The following UFL1 variants were observed in gnomAD, a reference collection of about 807,000 sequenced individuals.
UFL1 encodes UFM1 specific ligase 1.
Under a neutral mutation model 99.3 loss-of-function variants are expected in UFL1, and 78 were observed. The ratio of observed to expected loss-of-function variants is 0.79; its 90% CI spans 0.65 to 0.95. UFL1 has a LOEUF of 0.95. Ranked by LOEUF, UFL1 falls within the 40% of genes least tolerant of loss-of-function variation. UFL1 has a pLI of 0.00. For missense variants in UFL1, 936 were observed against 937.0 expected, an observed-to-expected ratio of 1.00 and a Z score of 0.01; for synonymous variants, 335 against 322.2, an observed-to-expected ratio of 1.04 and a Z score of -0.42.
rs1769862408 is a variant in UFL1 at position 96,536,968 on chromosome 6, AT to A, written c.803-404del. On this transcript the variant is annotated intron_variant, in intron 8 of 18. Transcript: ENST00000369278. ...TGGACTGAATTTAGTTATTAAAACA[AT>A]TAGCATATATATATATAAGATATAT... Among the ~76,000 whole-genome samples, 3 of 149,102 alleles carry A rather than the reference AT, an allele frequency of 2.0e-5. No individual in the cohort carries two copies. The South Asian group carries it at 6.4e-4, about 32-fold the overall frequency.
chr6:96,549,041 A>T (rs1053262538), intron 13 of UFL1, among the ~76,000 whole-genome samples: 7 of 151,824 alleles, frequency 4.6e-5, no homozygotes, highest in East Asian at 1.9e-4. Flanking sequence ...AGGTTTTTTT[A>T]AATGTATTTT....
intron 4 of UFL1, among the ~76,000 whole-genome samples, chr6:96,525,979 A>G (rs1245464196): frequency 4.6e-5 from 7 of 151,982 alleles, no homozygotes; most frequent in Admixed American, 1.3e-4. Flanking sequence ...CCAGCTACTC[A>G]GGAGGCTGAG....
At chr6:96,551,803 A>G (rs762401518) in intron 16 of UFL1, 35 bp from the exon 17 acceptor site, 11 of 1,389,756 alleles carry the variant, frequency 7.9e-6, no homozygotes, top group Middle Eastern at 1.9e-4. Flanking sequence ...GCAGTTATAT[A>G]TAAAAGTAAA....
intron 9 of UFL1, among the ~76,000 whole-genome samples, chr6:96,538,183 A>G (rs1234035957): frequency 1.3e-5 from 2 of 151,662 alleles, no homozygotes; most frequent in African/African-American, 4.8e-5. Flanking sequence ...CTTGTTGGGG[A>G]TATGGTAGCC....
Position 96,536,174 on chromosome 6 carries a change from ATAAAG to A in UFL1, c.656-67_656-63del. 2.2e-6 allele frequency: 3 copies of A among 1,386,908 alleles called. No homozygotes were observed. In the South Asian group the frequency reaches 5.0e-5, roughly 23 times the overall value. The allele number at this position is 1,386,908 out of a possible 1,614,324, so 85.9% of individuals were successfully genotyped here. On this transcript the variant is annotated intron_variant, in intron 7 of 18. Transcript: ENST00000369278. The stretch of plus-strand genomic sequence containing the variant: ...TTAAGAATAAGTAAATTATGAAATA[ATAAAG>A]TATTTTACTTTTTAAGATTTATACC...
intron 8 of UFL1, 75 bp from the exon 9 acceptor site, chr6:96,537,299 T>G: frequency 7.4e-7 from 1 of 1,358,436 alleles, no homozygotes; most frequent in Non-Finnish European, 9.8e-7. Flanking sequence ...TGGCTATAAC[T>G]TTTAAGTCTT....
chr6:96,548,144 A>G lies in UFL1; in HGVS notation c.1403-20A>G, dbSNP rs1770026310. The stretch of plus-strand genomic sequence containing the variant: ...TTTTTTATTTATTTATTTATTTGCC[A>G]TTGCTCATGTCCGATATAGGAAAGA... On this transcript the variant is annotated intron_variant, in intron 12 of 18. Coordinates refer to ENST00000369278, the MANE Select transcript of UFL1 (RefSeq NM_015323.5). 6.7e-7 allele frequency: 1 copy of G among 1,481,774 alleles called. No individual in the cohort carries two copies. The highest frequency in any genetic ancestry group is 9.2e-7 in the Non-Finnish European group (1 of 1,086,038). The allele number at this position is 1,481,774 out of a possible 1,614,324, so 91.8% of individuals were successfully genotyped here.
intron 12 of UFL1, among the ~76,000 whole-genome samples, chr6:96,544,243 T>A (rs369491489): frequency 6.0e-5 from 9 of 151,182 alleles, no homozygotes; most frequent in African/African-American, 2.2e-4. Context: ...TATGCATCTT[T>A]CTTTTCCTAG....
At chr6:96,527,123 CTT>C (rs1364028635) in intron 5 of UFL1, among the ~76,000 whole-genome samples, 3 of 151,884 alleles carry the variant, frequency 2.0e-5, no homozygotes, top group Non-Finnish European at 4.4e-5. Context: ...TTCTTGTTTA[CTT>C]TTTTCTGTTT....
At chr6:96,537,144 G>A (rs1252671190) in intron 8 of UFL1, among the ~76,000 whole-genome samples, 3 of 151,444 alleles carry the variant, frequency 2.0e-5, no homozygotes, top group East Asian at 3.9e-4. Context: ...TTTTCCTTAC[G>A]TTTTCTTGAC....
chr6:96,529,096 A>T (rs918718455), intron 6 of UFL1, among the ~76,000 whole-genome samples: 34 of 152,340 alleles, frequency 2.2e-4, no homozygotes, highest in African/African-American at 8.2e-4. Flanking sequence ...ACTTTCTAGC[A>T]TTCTGTAATT....
Position 96,554,743 on chromosome 6 carries a change from A to G in UFL1, c.*1240A>G, listed in dbSNP as rs1337359841. On this transcript the variant is annotated 3_prime_UTR_variant, in exon 19 of 19. Transcript: ENST00000369278. The stretch of plus-strand genomic sequence containing the variant: ...TATTAATCCTTAGTGAAAGTAATTA[A>G]TTAAATTGCCAACTTGGCATTATTA... The G allele has an allele frequency of 6.6e-6, 1 of 152,602 alleles. No individual in the cohort carries two copies. Among genetic ancestry groups the G allele is most frequent in the Non-Finnish European group, 1.5e-5 (1 of 68,002 alleles). 9.5% of individuals were successfully genotyped at this position (152,602 alleles called of 1,614,324 possible). A position where few individuals can be genotyped will look rare whatever the true frequency, so the allele number is the denominator to read the frequency against.
intron 12 of UFL1, 83 bp from the exon 13 acceptor site, chr6:96,548,081 A>C (rs928141494): frequency 2.4e-6 from 2 of 834,680 alleles, no homozygotes; most frequent in Non-Finnish European, 3.7e-6. Context: ...GTCTTACTAA[A>C]TATAGTAATG....
chr6:96,550,182 C>T (rs113758210), intron 15 of UFL1, among the ~76,000 whole-genome samples: 3,858 of 151,898 alleles, frequency 0.025, 55 homozygotes, highest in Non-Finnish European at 0.031. Flanking sequence ...TTTTTTAAAA[C>T]TCTAATCTCA....
intron 11 of UFL1, among the ~76,000 whole-genome samples, chr6:96,541,329 T>C (rs978576109): frequency 6.6e-6 from 1 of 151,472 alleles, no homozygotes; most frequent in African/African-American, 2.4e-5. Flanking sequence ...GAAGGACATA[T>C]TTTTACATTT....
Position 96,555,144 on chromosome 6 carries a change from T to TGTAA in UFL1, c.*1646_*1649dup, listed in dbSNP as rs1163932085. ...CAGTAAAGAACAGTTTTTATTGTTT[T>TGTAA]GTAAGTAAAATTACGTAGCTGATTT... On this transcript the variant is annotated 3_prime_UTR_variant, in exon 19 of 19. Transcript: ENST00000369278. 6.6e-6 allele frequency: 1 copy of TGTAA among 152,344 alleles called. No individual in the cohort carries two copies. Among genetic ancestry groups the TGTAA allele is most frequent in the African/African-American group, 2.4e-5 (1 of 41,460 alleles). The allele number at this position is 152,344 out of a possible 1,614,324, so 9.4% of individuals were successfully genotyped here. A position where few individuals can be genotyped will look rare whatever the true frequency, so the allele number is the denominator to read the frequency against.
rs5878435 is a variant in UFL1, at chr6:96,533,799, CAAAAA to C, written c.597-450_597-446del. Reference sequence around the variant, plus strand: ...GCAGAAAATAGAAAATACTCAAAAGCAAAAAAAAAAAAAAAAAAGATTTTAAATGG... The same window carrying C: ...GCAGAAAATAGAAAATACTCAAAAGCAAAAAAAAAAAAAGATTTTAAATGG... On this transcript the variant is annotated intron_variant, in intron 6 of 18. Coordinates refer to ENST00000369278, the MANE Select transcript of UFL1 (RefSeq NM_015323.5). 3.5e-5 allele frequency among the ~76,000 whole-genome samples: 4 copies of C among 113,768 alleles called. No homozygotes were observed. The South Asian group carries it at 8.8e-4, about 25-fold the overall frequency. The allele number at this position is 113,768 out of a possible 152,430, so 74.6% of individuals were successfully genotyped here. A position where few individuals can be genotyped will look rare whatever the true frequency, so the allele number is the denominator to read the frequency against.
At chr6:96,541,709 T>C (rs888258198) in intron 11 of UFL1, among the ~76,000 whole-genome samples, 16 of 151,424 alleles carry the variant, frequency 1.1e-4, no homozygotes, top group African/African-American at 3.6e-4. Flanking sequence ...TGATGACTTA[T>C]GTCAGTATAA....
At chr6:96,547,102 A>G (rs1301635964) in intron 12 of UFL1, among the ~76,000 whole-genome samples, 2 of 151,554 alleles carry the variant, frequency 1.3e-5, no homozygotes, top group African/African-American at 2.4e-5. Flanking sequence ...CTGACAAAGG[A>G]CTAATATCTA....
Sources: allele counts gnomAD v4.1 joint callset (sites outside exome capture counted in the v4.1 genomes callset), GRCh38; gene constraint gnomAD v4.1.1; transcripts MANE v1.5; gene names NCBI Gene and HGNC (gene_info 2026-07-23, HGNC 2026-07-21).